Variants in TRIM71 observed in about 807,000 individuals in gnomAD.
TRIM71 encodes tripartite motif containing 71.
Under a neutral mutation model 61.2 loss-of-function variants are expected in TRIM71, and 9 were observed. The ratio of observed to expected loss-of-function variants is 0.15; its 90% CI spans 0.09 to 0.26. The LOEUF is 0.26. Among genes scored for constraint, TRIM71 ranks in the 10% least tolerant of loss-of-function variants. TRIM71 has a pLI of 1.00. For synonymous variants in TRIM71, 645 were observed against 553.2 expected (o/e 1.17, Z -2.33); for missense variants, 998 against 1,238.7 (o/e 0.81, Z 2.92).
At chr3:32,869,973 C>A (rs372547353) in intron 1 of TRIM71, among the ~76,000 whole-genome samples, 1 of 152,254 alleles carries the variant, frequency 6.6e-6, no homozygotes, top group African/African-American at 2.4e-5. Flanking sequence ...TCCCTTCCCC[C>A]CTTTCCCGGG....
At position 32,892,163 on chromosome 3, in the gene TRIM71, C is replaced by T. The variant is rs1206131526; in HGVS notation, c.*352C>T. Reference sequence around the variant, plus strand: ...TCCCCTGCGTGGGGCATGATATGCACAAGCCTGGCATCTGTATGGCTGGGA... The same window carrying T: ...TCCCCTGCGTGGGGCATGATATGCATAAGCCTGGCATCTGTATGGCTGGGA... On this transcript the variant is annotated 3_prime_UTR_variant, in exon 4 of 4. Coordinates refer to ENST00000383763, the MANE Select transcript of TRIM71 (RefSeq NM_001039111.3). 3 of 225,426 alleles carry T rather than the reference C, an allele frequency of 1.3e-5. No homozygotes were observed. The highest frequency in any genetic ancestry group is 2.4e-5 in the African/African-American group (1 of 42,248). 14.0% of individuals were successfully genotyped at this position (225,426 alleles called of 1,614,324 possible). A position where few individuals can be genotyped will look rare whatever the true frequency, so the allele number is the denominator to read the frequency against.
chr3:32,842,776 C>A (rs1001388202), intron 1 of TRIM71, among the ~76,000 whole-genome samples: 3 of 152,128 alleles, frequency 2.0e-5, no homozygotes, highest in African/African-American at 7.2e-5. Flanking sequence ...CCCACCCCCA[C>A]CCAAGAACCC....
chr3:32,896,745 C>T lies in TRIM71; in HGVS notation c.*4934C>T, dbSNP rs1401952993. ...TTTGTGTATCCACATGGTCTTAGAC[C>T]TCCTTTTAATGATTGTATTAACTTA... On this transcript the variant is annotated 3_prime_UTR_variant, in exon 4 of 4. Transcript: ENST00000383763. The T allele has an allele frequency of 6.6e-6, 1 of 152,150 alleles. No individual in the cohort carries two copies. Among genetic ancestry groups the T allele is most frequent in the Non-Finnish European group, 1.5e-5 (1 of 68,034 alleles). The allele number at this position is 152,150 out of a possible 1,614,324, so 9.4% of individuals were successfully genotyped here.
intron 1 of TRIM71, among the ~76,000 whole-genome samples, chr3:32,834,628 G>T (rs945412159): frequency 6.6e-5 from 10 of 152,138 alleles, no homozygotes; most frequent in Admixed American, 3.3e-4. Flanking sequence ...TGGATCACAA[G>T]GTCAAGAGAT....
intron 2 of TRIM71, among the ~76,000 whole-genome samples, chr3:32,882,031 C>G (rs927311873): frequency 6.6e-6 from 1 of 152,128 alleles, no homozygotes; most frequent in Non-Finnish European, 1.5e-5. Flanking sequence ...AATGTGAGTT[C>G]CAGACATGAG....
At chr3:32,864,899 A>G (rs1445930338) in intron 1 of TRIM71, among the ~76,000 whole-genome samples, 3 of 144,714 alleles carry the variant, frequency 2.1e-5, no homozygotes, top group African/African-American at 5.2e-5. Context: ...TGTGTTCACA[A>G]AGGTCTGGAG....
intron 1 of TRIM71, among the ~76,000 whole-genome samples, chr3:32,850,738 C>G (rs1696529553): frequency 1.3e-5 from 2 of 152,348 alleles, no homozygotes; most frequent in Admixed American, 6.5e-5. Context: ...AGCAGGGTAT[C>G]TTGACCGGCT....
At chr3:32,876,692 T>G (rs1443375991) in intron 2 of TRIM71, among the ~76,000 whole-genome samples, 1 of 152,200 alleles carries the variant, frequency 6.6e-6, no homozygotes, top group Non-Finnish European at 1.5e-5. Flanking sequence ...TGAAAACAGT[T>G]GGAGCATTAT....
At position 32,818,096 on chromosome 3, in the gene TRIM71, G is replaced by A. The variant is rs371165457; in HGVS notation, c.16G>A (p.Glu6Lys). The A allele has an allele frequency of 5.0e-6, 8 of 1,610,142 alleles. No homozygotes were observed. In the Admixed American group the frequency reaches 5.0e-5, roughly 10 times the overall value. MASFP[E>K]TDFQICLLCK... ...TGGGTTGCAAATGGCTTCGTTCCCCGAGACCGATTTCCAGATCTGCTTGCT... is the reference window on the plus strand; with the variant it reads ...TGGGTTGCAAATGGCTTCGTTCCCCAAGACCGATTTCCAGATCTGCTTGCT... Residue 6 changes from glutamate to lysine, a missense_variant, in exon 1 of 4, where the codon GAG (glutamate) becomes AAG (lysine). Coordinates refer to ENST00000383763, the MANE Select transcript of TRIM71 (RefSeq NM_001039111.3).
At chr3:32,882,838 G>A (rs555534523) in intron 2 of TRIM71, among the ~76,000 whole-genome samples, 56 of 152,224 alleles carry the variant, frequency 3.7e-4, no homozygotes, top group East Asian at 5.8e-4. Flanking sequence ...CACCGTACCC[G>A]GCCCCAATTT....
chr3:32,856,219 A>C (rs985846529), intron 1 of TRIM71, among the ~76,000 whole-genome samples: 3 of 151,972 alleles, frequency 2.0e-5, no homozygotes, highest in Non-Finnish European at 4.4e-5. Flanking sequence ...GGGTTTCACC[A>C]TGTTAGCCAG....
At chr3:32,826,191 G>T (rs984648389) in intron 1 of TRIM71, among the ~76,000 whole-genome samples, 1 of 152,190 alleles carries the variant, frequency 6.6e-6, no homozygotes, top group African/African-American at 2.4e-5. Context: ...GGGTGCGGTG[G>T]CTTACGCCTG....
chr3:32,858,588 T>C (rs987483721), intron 1 of TRIM71, among the ~76,000 whole-genome samples: 1 of 152,164 alleles, frequency 6.6e-6, no homozygotes, highest in Non-Finnish European at 1.5e-5. Flanking sequence ...CTGAACAGCC[T>C]GAGCCTCCCT....
chr3:32,873,068 C>CCTCCCTCT (rs1553646357), intron 1 of TRIM71, among the ~76,000 whole-genome samples: 3 of 80,494 alleles, frequency 3.7e-5, no homozygotes, highest in Non-Finnish European at 3.0e-5. Context: ...TCTCTTCCTC[C>CCTCCCTCT]CTCCCTCCCT....
chr3:32,869,425 A>T (rs2125687690), intron 1 of TRIM71, among the ~76,000 whole-genome samples: 1 of 152,344 alleles, frequency 6.6e-6, no homozygotes, highest in South Asian at 2.1e-4. Context: ...CTTCACTGAT[A>T]GGGGTAGTTG....
Position 32,885,977 on chromosome 3 carries a change from T to A in TRIM71, c.1064T>A (p.Met355Lys). 6.2e-7 allele frequency: 1 copy of A among 1,614,062 alleles called. No homozygotes were observed. Among genetic ancestry groups the A allele is most frequent in the Non-Finnish European group, 8.5e-7 (1 of 1,180,000 alleles). ...CAGACGGTGGCGGAACAGGTGGAGATGAAGGCGAAGGTTGTGCAGTCGGAG... is the reference window on the plus strand; with the variant it reads ...CAGACGGTGGCGGAACAGGTGGAGAAGAAGGCGAAGGTTGTGCAGTCGGAG... ...QAQTVAEQVE[M>K]KAKVVQSEVK... Residue 355 changes from methionine to lysine, a missense_variant, in exon 3 of 4, where the codon ATG becomes AAG. By Grantham distance (95) the Met-to-Lys change is moderately conservative. Around this residue, in one of 5 missense-constraint regions of TRIM71, gnomAD observed 291 missense variants for 431.2 expected, o/e 0.67. Transcript: ENST00000383763.
rs377747907 is a variant in TRIM71 at position 32,833,227 on chromosome 3, TG to T, written c.852+14296del. On this transcript the variant is annotated intron_variant, in intron 1 of 3. Coordinates refer to ENST00000383763, the MANE Select transcript of TRIM71 (RefSeq NM_001039111.3). ...AAAAAAAAAAAGAGGCAGCTGTTTT[TG>T]TTCCCAAACCTGTTGATTGTAATTA... Among the ~76,000 whole-genome samples the T allele has an allele frequency of 9.4e-4, 134 of 142,110 alleles. 1 individual carries two copies. The Middle Eastern group carries it at 0.011, about 12-fold the overall frequency. The allele number at this position is 142,110 out of a possible 152,430, so 93.2% of individuals were successfully genotyped here.
chr3:32,873,857 TGTC>T lies in TRIM71; in HGVS notation c.895_897del (p.Arg299del). 1 of 1,613,070 alleles carries T rather than the reference TGTC, an allele frequency of 6.2e-7. No individual in the cohort carries two copies. The highest frequency in any genetic ancestry group is 8.5e-7 in the Non-Finnish European group (1 of 1,179,352). On this transcript the variant is annotated inframe_deletion, in exon 2 of 4. Transcript: ENST00000383763. ...CTGTGACACTTGCTCTGTACCCATC[TGTC>T]GTGAGTGCACAATGGGCCGGCATGG...
chr3:32,865,793 C>G (rs1422398633), intron 1 of TRIM71, among the ~76,000 whole-genome samples: 1 of 290 alleles, frequency 3.4e-3, no homozygotes, highest in African/African-American at 7.6e-3. Flanking sequence ...CGCCCGCCGG[C>G]CCCCCCCCCC....
Sources: gnomAD v4.1 joint callset for allele counts (sites outside exome capture counted in the v4.1 genomes callset) on GRCh38, gnomAD v4.1.1 for gene constraint, gnomAD v4.1.1 regional missense constraint, MANE v1.5 for transcripts, NCBI Gene and HGNC (gene_info 2026-07-23, HGNC 2026-07-21) for gene names.